Variants in ITGAE observed in about 807,000 individuals in gnomAD.
ITGAE encodes integrin subunit alpha E.
ITGAE carries 99 observed loss-of-function variants against 136.5 expected under a neutral mutation model. That is an observed-to-expected ratio of 0.73 (90% CI 0.62 to 0.86). ITGAE has a LOEUF of 0.86. Ranked by LOEUF, ITGAE falls within the 40% of genes least tolerant of loss-of-function variation. The pLI, the probability that ITGAE is intolerant of heterozygous loss-of-function variation, is 0.00. For missense variants in ITGAE, 1,447 were observed against 1,515.3 expected, an observed-to-expected ratio of 0.95 and a Z score of 0.75; for synonymous variants, 613 against 591.8, an observed-to-expected ratio of 1.04 and a Z score of -0.52.
intron 1 of ITGAE, 97 bp downstream of exon 1, chr17:3,801,014 C>T (rs1318211377): frequency 3.6e-6 from 5 of 1,389,286 alleles, no homozygotes; most frequent in Non-Finnish European, 5.1e-6. Context: ...TCTAACTGAG[C>T]CCCATCAGAG....
intron 18 of ITGAE, among the ~76,000 whole-genome samples, 182 bp downstream of exon 18, chr17:3,745,582 T>TC (rs2051692516): frequency 6.6e-6 from 1 of 152,100 alleles, no homozygotes; most frequent in Non-Finnish European, 1.5e-5. Flanking sequence ...CCTCAAGTGA[T>TC]CCCCCCGCCT....
rs1012620149 is a variant in ITGAE, at chr17:3,798,474, C to T, written c.34+2637G>A. 6.6e-6 allele frequency among the ~76,000 whole-genome samples: 1 copy of T among 152,140 alleles called. No homozygotes were observed. The highest frequency in any genetic ancestry group is 2.4e-5 in the African/African-American group (1 of 41,418). ...CCCAGGGCTTGGTCCCTCCTATCCC[C>T]CCTGCACAGAAGGCCCCTCTGCTCA... On this transcript the variant is annotated intron_variant, in intron 1 of 30. Transcript: ENST00000263087. The surrounding 1 kb of genome is among the most constrained non-coding windows in gnomAD (Gnocchi z 4.3).
chr17:3,794,886 G>A (rs1040744188), intron 1 of ITGAE, among the ~76,000 whole-genome samples: 4 of 152,216 alleles, frequency 2.6e-5, no homozygotes, highest in Non-Finnish European at 2.9e-5. Flanking sequence ...AGTGGAGGCC[G>A]CAGAGCAAAG....
chr17:3,777,796 G>C, intron 1 of ITGAE, 136 bp from the exon 2 acceptor site: 2 of 1,043,612 alleles, frequency 1.9e-6, no homozygotes, highest in Non-Finnish European at 2.7e-6. Context: ...GTGTGTGAGA[G>C]AGAAAGACTA....
At position 3,761,499 on chromosome 17, in the gene ITGAE, G is replaced by T; in HGVS notation, c.337C>A (p.Arg113=). The change falls in exon 5 of 31, where the codon CGG becomes AGG. Residue 113 remains arginine, a synonymous_variant. Coordinates refer to ENST00000263087, the MANE Select transcript of ITGAE (RefSeq NM_002208.5). ...GVLICIQVLV[R]RPHSLSSELT... is the part of the protein sequence containing the mutation. ...TCTGAGCTGAGGCTGTGAGGCCGCCGGACCAGCACTTGAATGCATATCTGT... is the reference window on the plus strand; with the variant it reads ...TCTGAGCTGAGGCTGTGAGGCCGCCTGACCAGCACTTGAATGCATATCTGT... The T allele has an allele frequency of 6.2e-7, 1 of 1,613,718 alleles. No individual in the cohort carries two copies. Among genetic ancestry groups the T allele is most frequent in the Non-Finnish European group, 8.5e-7 (1 of 1,179,878 alleles).
chr17:3,796,641 C>G (rs929127083), intron 1 of ITGAE, among the ~76,000 whole-genome samples: 1 of 152,012 alleles, frequency 6.6e-6, no homozygotes, highest in Non-Finnish European at 1.5e-5. Context: ...ATAGCTACAC[C>G]AGTGTCTGTC....
chr17:3,789,606 T>G (rs2052890515), intron 1 of ITGAE, among the ~76,000 whole-genome samples: 1 of 152,056 alleles, frequency 6.6e-6, no homozygotes, highest in South Asian at 2.1e-4. Flanking sequence ...GTTCAAGCGA[T>G]TCTCCTGCCT....
intron 16 of ITGAE, among the ~76,000 whole-genome samples, chr17:3,749,281 G>A (rs2051800615): frequency 6.6e-6 from 1 of 151,520 alleles, no homozygotes; most frequent in Admixed American, 6.6e-5. Flanking sequence ...TGGAGACGGA[G>A]TCTCGCTCTG....
chr17:3,740,037 C>T (rs757467205), intron 19 of ITGAE, among the ~76,000 whole-genome samples, 159 bp from the exon 20 acceptor site: 11 of 152,156 alleles, frequency 7.2e-5, no homozygotes, highest in South Asian at 2.1e-4. Flanking sequence ...GGATTGTCCC[C>T]GAAGAGCAGG....
intron 2 of ITGAE, among the ~76,000 whole-genome samples, chr17:3,771,530 T>TTC (rs1180719125): frequency 7.0e-6 from 1 of 143,652 alleles, no homozygotes; most frequent in Non-Finnish European, 1.5e-5. Context: ...GTGTGCATTT[T>TTC]TCTCTTTTTT....
chr17:3,726,980 G>A lies in ITGAE; in HGVS notation c.3084+939C>T, dbSNP rs188056198. Reference sequence around the variant, plus strand: ...CCTCACCTTGTGATCCACCCACCTCGGCATCCCAAAGTGCTGGGTGATTAC... The same window carrying A: ...CCTCACCTTGTGATCCACCCACCTCAGCATCCCAAAGTGCTGGGTGATTAC... On this transcript the variant is annotated intron_variant, in intron 26 of 30. Coordinates refer to ENST00000263087, the MANE Select transcript of ITGAE (RefSeq NM_002208.5). Among the ~76,000 whole-genome samples, 261 of 152,036 alleles carry A rather than the reference G, an allele frequency of 1.7e-3. 1 individual carries two copies. Among genetic ancestry groups the A allele is most frequent in the African/African-American group, 6.1e-3 (254 of 41,506 alleles).
chr17:3,793,207 C>T (rs2052983649), intron 1 of ITGAE, among the ~76,000 whole-genome samples: 1 of 152,076 alleles, frequency 6.6e-6, no homozygotes, highest in Admixed American at 6.6e-5. Flanking sequence ...TGCCCATCAC[C>T]ATGCCCAGCT....
At chr17:3,715,624 G>C (rs193026962) in intron 30 of ITGAE, among the ~76,000 whole-genome samples, 2 of 152,296 alleles carry the variant, frequency 1.3e-5, no homozygotes, top group Admixed American at 6.5e-5. Flanking sequence ...AGGCCAAGAT[G>C]AGAAGATGGC....
chr17:3,749,481 T>C (rs1041055944), intron 16 of ITGAE, among the ~76,000 whole-genome samples: 1 of 152,064 alleles, frequency 6.6e-6, no homozygotes, highest in African/African-American at 2.4e-5. Flanking sequence ...CTCCATCTCC[T>C]GACCTTGTGA....
chr17:3,765,500 C>G (rs544788647), intron 2 of ITGAE, among the ~76,000 whole-genome samples: 2 of 152,196 alleles, frequency 1.3e-5, no homozygotes, highest in Admixed American at 6.6e-5. Flanking sequence ...AATATATTCA[C>G]GTATCGGCAT....
At chr17:3,800,033 T>G (rs947506649) in intron 1 of ITGAE, among the ~76,000 whole-genome samples, 4 of 152,102 alleles carry the variant, frequency 2.6e-5, no homozygotes, top group Non-Finnish European at 4.4e-5. Context: ...GCAGGAGAAC[T>G]GCTTGAACCT....
intron 1 of ITGAE, among the ~76,000 whole-genome samples, chr17:3,788,456 ATTTTTTT>A (rs71155804): frequency 1.2e-3 from 124 of 103,252 alleles, no homozygotes; most frequent in African/African-American, 3.3e-3. Context: ...GACCTGACTA[ATTTTTTT>A]TTTTTTTTTT....
In ITGAE at chr17:3,782,393, G is replaced by A. The variant is rs1453776534; in HGVS notation, c.35-4733C>T. Among the ~76,000 whole-genome samples the A allele has an allele frequency of 2.8e-5, 4 of 142,294 alleles. No homozygotes were observed. The Admixed American group carries it at 2.8e-4, about 10-fold the overall frequency. 93.4% of individuals were successfully genotyped at this position (142,294 alleles called of 152,430 possible). On this transcript the variant is annotated intron_variant, in intron 1 of 30. Transcript: ENST00000263087. ...TGTACTTTTTTTTTTTTGAGATGGA[G>A]TTTCGCTCTTGTCGCCCGAGCTAGA...
At chr17:3,783,217 C>T (rs946012557) in intron 1 of ITGAE, among the ~76,000 whole-genome samples, 34 of 152,258 alleles carry the variant, frequency 2.2e-4, no homozygotes, top group African/African-American at 7.5e-4. Flanking sequence ...CTTGGCTCAC[C>T]GCAACCTCTG....
Sources: gnomAD v4.1 joint callset for allele counts (sites outside exome capture counted in the v4.1 genomes callset) on GRCh38, gnomAD v4.1.1 for gene constraint, Gnocchi (gnomAD v3.1) non-coding constraint, MANE v1.5 for transcripts, NCBI Gene and HGNC (gene_info 2026-07-23, HGNC 2026-07-21) for gene names.